The following CAPSL variants were observed in gnomAD, a reference collection of about 807,000 sequenced individuals.
CAPSL encodes calcyphosine like.
In CAPSL, 17 loss-of-function variants were observed where a neutral mutation model predicts 21.3. That is an observed-to-expected ratio of 0.80 (90% CI 0.55 to 1.20). CAPSL has a LOEUF of 1.20. CAPSL is among the 50% of genes most tolerant of loss of function. The pLI is 0.00. For synonymous variants in CAPSL, 102 were observed against 89.3 expected (o/e 1.14, Z -0.80); for missense variants, 289 against 259.3 (o/e 1.11, Z -0.79).
At chr5:35,936,204 C>T (rs1485639382) in intron 1 of CAPSL, among the ~76,000 whole-genome samples, 1 of 152,098 alleles carries the variant, frequency 6.6e-6, no homozygotes, top group Non-Finnish European at 1.5e-5. Context: ...CTAAGGGCAT[C>T]CTGACTTCAT....
chr5:35,926,523 G>T (rs1321827579), intron 1 of CAPSL, among the ~76,000 whole-genome samples: 1 of 152,216 alleles, frequency 6.6e-6, no homozygotes, highest in Non-Finnish European at 1.5e-5. Flanking sequence ...AGCTGTAAAT[G>T]CATGGGGTCT....
chr5:35,923,423 G>A (rs1738588917), intron 1 of CAPSL, among the ~76,000 whole-genome samples: 1 of 152,134 alleles, frequency 6.6e-6, no homozygotes, highest in Admixed American at 6.5e-5. Flanking sequence ...ACTGAAAACA[G>A]GAACTCAAAC....
chr5:35,909,032 C>T (rs1268623102), intron 4 of CAPSL, among the ~76,000 whole-genome samples: 1 of 152,000 alleles, frequency 6.6e-6, no homozygotes, highest in Non-Finnish European at 1.5e-5. Context: ...AGGGACAATC[C>T]CCTTTCCTTA....
intron 1 of CAPSL, among the ~76,000 whole-genome samples, chr5:35,929,992 C>T (rs1738781347): frequency 6.6e-6 from 1 of 152,160 alleles, no homozygotes; most frequent in Non-Finnish European, 1.5e-5. Context: ...AAAACTTCTG[C>T]ACTGATTATC....
chr5:35,919,082 T>A (rs541510106), intron 2 of CAPSL, among the ~76,000 whole-genome samples: 80 of 150,136 alleles, frequency 5.3e-4, no homozygotes, highest in Non-Finnish European at 7.4e-5. Flanking sequence ...ACAAAAAAAA[T>A]GACTTTTGTT....
At chr5:35,936,848 C>T (rs1738959466) in intron 1 of CAPSL, among the ~76,000 whole-genome samples, 1 of 152,222 alleles carries the variant, frequency 6.6e-6, no homozygotes, top group African/African-American at 2.4e-5. Context: ...TAGGCACTCT[C>T]TGGAGCCAGA....
rs1257307627 is a variant in CAPSL at position 35,904,403 on chromosome 5, T to G, written c.*142A>C. ...ATGTCTTTTATTTCTGCCTGTTTTT[T>G]GGCCCCAGAAAATGCAATATTTTGA... On this transcript the variant is annotated 3_prime_UTR_variant, in exon 5 of 5. Transcript: ENST00000651391. 1.2e-5 allele frequency: 8 copies of G among 657,596 alleles called. No homozygotes were observed. The East Asian group carries it at 2.2e-4, about 18-fold the overall frequency. The allele number at this position is 657,596 out of a possible 1,614,324, so 40.7% of individuals were successfully genotyped here. A position where few individuals can be genotyped will look rare whatever the true frequency, so the allele number is the denominator to read the frequency against.
At chr5:35,913,084 G>C (rs1056715063) in intron 2 of CAPSL, among the ~76,000 whole-genome samples, 1 of 152,142 alleles carries the variant, frequency 6.6e-6, no homozygotes, top group African/African-American at 2.4e-5. Context: ...TAGCCAATTC[G>C]ATCAACTGGA....
chr5:35,923,840 A>G (rs913925266), intron 1 of CAPSL, among the ~76,000 whole-genome samples: 15 of 152,190 alleles, frequency 9.9e-5, no homozygotes, highest in African/African-American at 3.4e-4. Flanking sequence ...ACGGTGGTTT[A>G]TCAACATTGT....
At chr5:35,929,900 C>T (rs920998732) in intron 1 of CAPSL, among the ~76,000 whole-genome samples, 3 of 152,158 alleles carry the variant, frequency 2.0e-5, no homozygotes, top group Non-Finnish European at 2.9e-5. Flanking sequence ...AAAAATTTTA[C>T]TTAGCCTCTT....
intron 1 of CAPSL, among the ~76,000 whole-genome samples, chr5:35,936,817 T>C (rs1349379348): frequency 1.1e-4 from 16 of 152,198 alleles, no homozygotes; most frequent in Non-Finnish European, 2.4e-4. Flanking sequence ...CAATGATGAC[T>C]AACAAATCTT....
At chr5:35,905,885 G>C (rs191335600) in intron 4 of CAPSL, among the ~76,000 whole-genome samples, 3 of 152,294 alleles carry the variant, frequency 2.0e-5, no homozygotes, top group Non-Finnish European at 4.4e-5. Flanking sequence ...TGCTAAATCA[G>C]AATCTCTGAA....
At position 35,921,111 on chromosome 5, in the gene CAPSL, T is replaced by A. The variant is rs1386291133; in HGVS notation, c.10A>T (p.Thr4Ser). The A allele has an allele frequency of 6.2e-7, 1 of 1,613,678 alleles. No individual in the cohort carries two copies. The highest frequency in any genetic ancestry group is 1.3e-5 in the African/African-American group (1 of 74,898). Residue 4 changes from threonine (T) to serine (S), a missense_variant, in exon 2 of 5, where the codon ACA becomes TCA. Transcript: ENST00000651391. ...GCCATCTCTCGGTCATGGCGCGCTG[T>A]CCCTGCCATCTGAGGGGAAGCCATA... is the stretch of plus-strand genomic sequence containing the variant. MAG[T>S]ARHDREMAIQ...
chr5:35,932,379 A>G (rs770522706), intron 1 of CAPSL, among the ~76,000 whole-genome samples: 1 of 152,204 alleles, frequency 6.6e-6, no homozygotes, highest in Non-Finnish European at 1.5e-5. Context: ...CATAATAGCC[A>G]TAGCAGCTCC....
intron 1 of CAPSL, among the ~76,000 whole-genome samples, chr5:35,925,607 G>C (rs1738650132): frequency 6.6e-6 from 1 of 152,118 alleles, no homozygotes; most frequent in Non-Finnish European, 1.5e-5. Flanking sequence ...AGAGCCTGGG[G>C]TGCCAGGGTG....
At chr5:35,922,052 G>A (rs376116376) in intron 1 of CAPSL, among the ~76,000 whole-genome samples, 1 of 138,162 alleles carries the variant, frequency 7.2e-6, no homozygotes, top group Admixed American at 7.9e-5. Flanking sequence ...GATGTGCAAA[G>A]GACAGCATGC....
intron 2 of CAPSL, among the ~76,000 whole-genome samples, chr5:35,916,938 A>G (rs990940864): frequency 6.6e-6 from 1 of 152,204 alleles, no homozygotes; most frequent in African/African-American, 2.4e-5. Context: ...AACCTACAGA[A>G]GGGGAGAAAA....
chr5:35,928,400 T>C (rs1428624932), intron 1 of CAPSL, among the ~76,000 whole-genome samples: 2 of 152,138 alleles, frequency 1.3e-5, no homozygotes, highest in Non-Finnish European at 2.9e-5. Context: ...GAGACTGAAA[T>C]TGAAGACTCT....
chr5:35,910,137 T>TATGTGATAAAATATCTC, intron 3 of CAPSL, 62 bp from the exon 4 acceptor site: 2 of 1,380,680 alleles, frequency 1.4e-6, no homozygotes, highest in South Asian at 2.8e-5. Flanking sequence ...TTTGGTATCC[T>TATGTGATAAAATATCTC]ATGTGATAAA....
Sources: gnomAD v4.1 joint callset for allele counts (sites outside exome capture counted in the v4.1 genomes callset) on GRCh38, gnomAD v4.1.1 for gene constraint, MANE v1.5 for transcripts, NCBI Gene and HGNC (gene_info 2026-07-23, HGNC 2026-07-21) for gene names.